Variants in ZEB1 observed in about 807,000 individuals in gnomAD.
ZEB1 encodes zinc finger E-box-binding homeobox 1.
A neutral mutation model predicts 84.9 loss-of-function variants in ZEB1; 21 were observed. The observed-to-expected ratio is 0.25, with a 90% CI of 0.18 to 0.36. ZEB1 has a LOEUF of 0.36. Ranked by LOEUF, ZEB1 falls within the 10% of genes least tolerant of loss-of-function variation. The pLI is 1.00. For missense variants in ZEB1, 1,104 were observed against 1,330.2 expected, an observed-to-expected ratio of 0.83 and a Z score of 2.65; for synonymous variants, 420 against 471.1, an observed-to-expected ratio of 0.89 and a Z score of 1.41.
chr10:31,398,582 A>C (rs1341793285), intron 1 of ZEB1, among the ~76,000 whole-genome samples: 2 of 152,072 alleles, frequency 1.3e-5, no homozygotes, highest in Admixed American at 1.3e-4. Context: ...CATGTCTTTC[A>C]TGTAAAGCCT....
At chr10:31,497,459 G>T (rs1413382423) in intron 3 of ZEB1, among the ~76,000 whole-genome samples, 2 of 152,050 alleles carry the variant, frequency 1.3e-5, no homozygotes, top group African/African-American at 4.8e-5. Context: ...TCTCCCCCAC[G>T]TACACAATGA....
intron 2 of ZEB1, among the ~76,000 whole-genome samples, chr10:31,475,840 A>T (rs2064082108): frequency 6.6e-6 from 1 of 152,166 alleles, no homozygotes. Context: ...AAGCACAGGT[A>T]AGTAGAAACC....
At chr10:31,366,518 A>G (rs1242024435) in intron 1 of ZEB1, among the ~76,000 whole-genome samples, 1 of 152,178 alleles carries the variant, frequency 6.6e-6, no homozygotes, top group Non-Finnish European at 1.5e-5. Flanking sequence ...TTACACTATC[A>G]TAACATACCC....
At position 31,398,189 on chromosome 10, in the gene ZEB1, CA is replaced by C. The variant is rs1472136362; in HGVS notation, c.59-62845del. ...TTGTTTTAGAAGACACCACTTAAGG[CA>C]AAGAAGGCAAAAGAAAACATTTGTA... On this transcript the variant is annotated intron_variant, in intron 1 of 8. Transcript: ENST00000424869. Among the ~76,000 whole-genome samples the C allele has an allele frequency of 6.6e-5, 10 of 152,098 alleles. No individual in the cohort carries two copies. The East Asian group carries it at 1.9e-3, about 29-fold the overall frequency.
At chr10:31,456,671 A>G (rs1472278093) in intron 1 of ZEB1, among the ~76,000 whole-genome samples, 1 of 152,154 alleles carries the variant, frequency 6.6e-6, no homozygotes, top group African/African-American at 2.4e-5. Flanking sequence ...TCTTCAACTT[A>G]GTAGCTACAT....
At chr10:31,355,551 C>T (rs1016696242) in intron 1 of ZEB1, among the ~76,000 whole-genome samples, 4 of 152,020 alleles carry the variant, frequency 2.6e-5, no homozygotes, top group Non-Finnish European at 4.4e-5. Context: ...GCGGACTTAA[C>T]CTGCTCTGGG....
chr10:31,509,050 G>T (rs992036391), intron 4 of ZEB1, among the ~76,000 whole-genome samples: 1 of 152,142 alleles, frequency 6.6e-6, no homozygotes, highest in Admixed American at 6.5e-5. Flanking sequence ...ACTGCCAATG[G>T]CTTGCACTTC....
intron 1 of ZEB1, among the ~76,000 whole-genome samples, chr10:31,410,828 A>G (rs547194913): frequency 6.6e-5 from 10 of 152,152 alleles, no homozygotes; most frequent in Non-Finnish European, 1.3e-4. Flanking sequence ...GGTAGTTTGT[A>G]TTTCTGTGGG....
chr10:31,355,843 T>G (rs188478670), intron 1 of ZEB1, among the ~76,000 whole-genome samples: 209 of 152,230 alleles, frequency 1.4e-3, no homozygotes, highest in African/African-American at 4.9e-3. Context: ...TAAGGGATAT[T>G]GGGAAACCAT....
chr10:31,333,364 A>C (rs1044705487), intron 1 of ZEB1, among the ~76,000 whole-genome samples: 1 of 152,166 alleles, frequency 6.6e-6, no homozygotes, highest in Non-Finnish European at 1.5e-5. Flanking sequence ...ACATTCTCAC[A>C]GATAAGGAAA....
intron 1 of ZEB1, among the ~76,000 whole-genome samples, chr10:31,412,160 A>G (rs994217067): frequency 4.6e-5 from 7 of 152,240 alleles, no homozygotes; most frequent in African/African-American, 1.2e-4. Flanking sequence ...TTTTACACAT[A>G]TAATAGAGAA....
chr10:31,353,652 C>A (rs780478194), intron 1 of ZEB1, among the ~76,000 whole-genome samples: 6 of 152,272 alleles, frequency 3.9e-5, no homozygotes, highest in South Asian at 2.1e-4. Context: ...GATAATTTTC[C>A]AATGATCATT....
At chr10:31,383,805 TAGAA>T (rs1482110986) in intron 1 of ZEB1, among the ~76,000 whole-genome samples, 3 of 152,118 alleles carry the variant, frequency 2.0e-5, no homozygotes, top group Non-Finnish European at 2.9e-5. Flanking sequence ...TACAGTGTTG[TAGAA>T]AGAACTGGTA....
chr10:31,400,652 TA>T (rs1396219853), intron 1 of ZEB1, among the ~76,000 whole-genome samples: 6 of 152,122 alleles, frequency 3.9e-5, no homozygotes, highest in Non-Finnish European at 7.4e-5. Context: ...ACTTATAAAA[TA>T]ATTTAAATTT....
rs190960086 is a variant in ZEB1 at position 31,360,131 on chromosome 10, A to G, written c.58+40839A>G. 1.4e-3 allele frequency among the ~76,000 whole-genome samples: 208 copies of G among 152,316 alleles called. 1 individual carries two copies. Among genetic ancestry groups the G allele is most frequent in the African/African-American group, 4.6e-3 (190 of 41,566 alleles). On this transcript the variant is annotated intron_variant, in intron 1 of 8. Coordinates refer to ENST00000424869, the MANE Select transcript of ZEB1 (RefSeq NM_001174096.2). ...ATGAGTAAAGTACTTGGACTTTACA[A>G]TGTTTGCTTTTACTTCACTAAGTCC...
chr10:31,368,362 G>C (rs772764741), intron 1 of ZEB1, among the ~76,000 whole-genome samples: 2 of 151,862 alleles, frequency 1.3e-5, no homozygotes, highest in Non-Finnish European at 2.9e-5. Context: ...TCATTGTGTC[G>C]CCCAGGCTGG....
intron 1 of ZEB1, among the ~76,000 whole-genome samples, chr10:31,410,207 T>G (rs1208185506): frequency 2.0e-5 from 3 of 152,154 alleles, no homozygotes; most frequent in Admixed American, 6.5e-5. Context: ...CCTGGAGAGT[T>G]TTTGGCATGA....
chr10:31,474,555 G>A lies in ZEB1; in HGVS notation c.259+13318G>A, dbSNP rs997695661. On this transcript the variant is annotated intron_variant, in intron 2 of 8. Transcript: ENST00000424869. Reference sequence around the variant, plus strand: ...AGAATGGCAATCATTAAAAAGTCAGGAAACAACAGGTACTGGAGAGGATGT... The same window carrying A: ...AGAATGGCAATCATTAAAAAGTCAGAAAACAACAGGTACTGGAGAGGATGT... Among the ~76,000 whole-genome samples the A allele has an allele frequency of 6.0e-4, 91 of 152,150 alleles. 2 individuals are homozygous for A. The highest frequency in any genetic ancestry group is 2.0e-3 in the Admixed American group (30 of 15,284).
At chr10:31,347,439 G>C (rs2040505828) in intron 1 of ZEB1, among the ~76,000 whole-genome samples, 1 of 152,118 alleles carries the variant, frequency 6.6e-6, no homozygotes. Flanking sequence ...TTGAACTCCT[G>C]GGTTCAAGTG....
Sources: allele counts gnomAD v4.1 joint callset (sites outside exome capture counted in the v4.1 genomes callset), GRCh38; gene constraint gnomAD v4.1.1; transcripts MANE v1.5; gene names NCBI Gene and HGNC (gene_info 2026-07-23, HGNC 2026-07-21).